The following DNAH8 variants were observed in gnomAD, a reference collection of about 807,000 sequenced individuals.
The protein encoded by DNAH8 is axonemal beta dynein heavy chain 8.
DNAH8 carries 382 observed loss-of-function variants against 562.1 expected under a neutral mutation model. The ratio of observed to expected loss-of-function variants is 0.68; its 90% CI spans 0.63 to 0.74. The LOEUF (loss-of-function observed/expected upper bound fraction) is 0.74. DNAH8 is among the 30% of genes least tolerant of loss of function. The pLI is 0.00. For missense variants in DNAH8, 5,203 were observed against 5,620.4 expected, an observed-to-expected ratio of 0.93 and a Z score of 2.37; for synonymous variants, 1,881 against 1,919.4, an observed-to-expected ratio of 0.98 and a Z score of 0.52.
At chr6:38,861,676 C>T (rs6929943) in intron 43 of DNAH8, among the ~76,000 whole-genome samples, 3,961 of 152,156 alleles carry the variant, frequency 0.026, 182 homozygotes, top group African/African-American at 0.088. Flanking sequence ...GGACTACAGG[C>T]GCATGCCACC....
At chr6:39,001,072 G>C (rs1310898532) in intron 88 of DNAH8, among the ~76,000 whole-genome samples, 1 of 152,220 alleles carries the variant, frequency 6.6e-6, no homozygotes, top group Non-Finnish European at 1.5e-5. Flanking sequence ...ACCAGGTCCA[G>C]TATGCCTAAA....
At chr6:38,860,087 C>T (rs2179712) in intron 42 of DNAH8, among the ~76,000 whole-genome samples, 64,204 of 152,038 alleles carry the variant, frequency 0.42, 14,201 homozygotes, top group East Asian at 0.69. Context: ...TGGCTAATTC[C>T]TACTATTTAT....
intron 13 of DNAH8, among the ~76,000 whole-genome samples, chr6:38,777,835 C>T (rs1768216870): frequency 6.6e-6 from 1 of 152,050 alleles, no homozygotes; most frequent in South Asian, 2.1e-4. Context: ...ATCTGCTGGC[C>T]CTGGTGTCTA....
At chr6:38,780,126 A>G in intron 15 of DNAH8, 61 bp downstream of exon 15, 4 of 1,504,768 alleles carry the variant, frequency 2.7e-6, no homozygotes, top group Admixed American at 1.8e-5. Context: ...AAATCTGAAA[A>G]TATTTGCCAT....
chr6:38,813,347 A>G (rs1771968799), intron 24 of DNAH8, among the ~76,000 whole-genome samples: 1 of 152,128 alleles, frequency 6.6e-6, no homozygotes, highest in Non-Finnish European at 1.5e-5. Flanking sequence ...CCTGAGTGCT[A>G]AAAGTTGGGT....
intron 61 of DNAH8, among the ~76,000 whole-genome samples, 195 bp from the exon 62 acceptor site, chr6:38,899,581 G>C (rs1779931304): frequency 6.6e-6 from 1 of 152,226 alleles, no homozygotes; most frequent in Admixed American, 6.5e-5. Context: ...TGTAAACATA[G>C]ATGGTCAAGG....
intron 57 of DNAH8, 50 bp from the exon 58 acceptor site, chr6:38,890,602 C>T: frequency 7.6e-7 from 1 of 1,309,098 alleles, no homozygotes; most frequent in Non-Finnish European, 1.1e-6. Flanking sequence ...TAAACATATA[C>T]TTGGAAATCT....
Position 38,874,027 on chromosome 6 carries a change from TTTTTC to T in DNAH8, c.7620+665_7620+669del, listed in dbSNP as rs1283193389. Among the ~76,000 whole-genome samples, 4 of 101,642 alleles carry T rather than the reference TTTTTC, an allele frequency of 3.9e-5. 1 individual carries two copies. Among genetic ancestry groups the T allele is most frequent in the African/African-American group, 1.1e-4 (3 of 27,556 alleles). The allele number at this position is 101,642 out of a possible 152,430, so 66.7% of individuals were successfully genotyped here. On this transcript the variant is annotated intron_variant, in intron 52 of 92. Transcript: ENST00000327475. ...TTCCTTCCTTTCCTCTTTCTTTCCC[TTTTTC>T]TTTTCTTTTCTTTCTTTCTTTCTTT...
At position 38,973,948 on chromosome 6, in the gene DNAH8, T is replaced by G. The variant is rs569250852; in HGVS notation, c.12678+135T>G. The G allele has an allele frequency of 2.0e-5, 12 of 600,956 alleles. No homozygotes were observed. The East Asian group carries it at 3.6e-4, about 18-fold the overall frequency. 37.2% of individuals were successfully genotyped at this position (600,956 alleles called of 1,614,324 possible). ...ACTGCAAGATCTTATACTATAATACTATAATCATCAAAATCTTGACATCAA... is the reference window on the plus strand; with the variant it reads ...ACTGCAAGATCTTATACTATAATACGATAATCATCAAAATCTTGACATCAA... On this transcript the variant is annotated intron_variant, in intron 84 of 92. Transcript: ENST00000327475.
rs771196109 is a variant in DNAH8, at chr6:38,908,101, T to C, written c.9494T>C (p.Val3165Ala). Residue 3165 changes from valine to alanine, a missense_variant, in exon 64 of 93, where the codon GTT (valine) becomes GCT (alanine). By Grantham distance (64) the Val-to-Ala change is moderately conservative. Transcript: ENST00000327475. The stretch of plus-strand genomic sequence containing the variant: ...TCAAGATCAAGGAAGAACTTACATG[T>C]TGTTCTCTGCTTTTCTCCAGTAAGT... ...FISRSRKNLHVVLCFSPVGEK... is the reference protein window; with the variant it reads ...FISRSRKNLHAVLCFSPVGEK... 22 of 1,582,142 alleles carry C rather than the reference T, an allele frequency of 1.4e-5. No individual in the cohort carries two copies. The African/African-American group carries it at 2.4e-4, about 18-fold the overall frequency.
At chr6:38,784,270 A>G (rs1768930232) in intron 17 of DNAH8, among the ~76,000 whole-genome samples, 1 of 152,192 alleles carries the variant, frequency 6.6e-6, no homozygotes. Context: ...CTTAAAACTC[A>G]GACTATGGAA....
intron 86 of DNAH8, 84 bp downstream of exon 86, chr6:38,982,546 T>C (rs1478608088): frequency 2.5e-6 from 2 of 805,200 alleles, no homozygotes; most frequent in African/African-American, 3.4e-5. Context: ...TATGATAAGG[T>C]GTGAATTTGC....
Position 38,982,438 on chromosome 6 carries a change from C to G in DNAH8, c.12927C>G (p.His4309Gln). 1 of 1,567,262 alleles carries G rather than the reference C, an allele frequency of 6.4e-7. No homozygotes were observed. Residue 4309 changes from histidine to glutamine, a missense_variant, in exon 86 of 93, where the codon CAC becomes CAG. By Grantham distance (24) the His-to-Gln change is conservative (BLOSUM62 0). This residue lies in a region of DNAH8 where 1,399 missense variants were observed against 1,518.4 expected (regional missense o/e 0.92). Coordinates refer to ENST00000327475, the MANE Select transcript of DNAH8 (RefSeq NM_001206927.2). ...CCAGTGTTCAGTTTATTCAGAATCA[C>G]CTTGATGAATGCGATATTAAGAAAG... ...FSASVQFIQN[H>Q]LDECDIKKGV...
At chr6:38,961,313 G>A (rs1762590415) in intron 82 of DNAH8, among the ~76,000 whole-genome samples, 1 of 151,926 alleles carries the variant, frequency 6.6e-6, no homozygotes, top group Non-Finnish European at 1.5e-5. Context: ...TCTGAACACA[G>A]GGAAATGAAA....
chr6:38,851,639 A>G lies in DNAH8; in HGVS notation c.5431A>G (p.Ile1811Val), dbSNP rs768576577. 1.4e-5 allele frequency: 22 copies of G among 1,611,676 alleles called. No homozygotes were observed. The Admixed American group carries it at 2.9e-4, about 21-fold the overall frequency. Residue 1811 changes from isoleucine (I) to valine (V), a missense_variant, in exon 39 of 93, where the codon ATT (isoleucine) becomes GTT (valine). This residue lies in a region of DNAH8 where 2,176 missense variants were observed against 2,365.1 expected (regional missense o/e 0.92). Coordinates refer to ENST00000327475, the MANE Select transcript of DNAH8 (RefSeq NM_001206927.2). ...TGTATCTGATCCAGTTCTCCTGGAA[A>G]TTCTTGGACAAGCCAGTGATTCCCA... Reference protein sequence around the residue: ...FFVSDPVLLEILGQASDSHTI... With the variant: ...FFVSDPVLLEVLGQASDSHTI...
chr6:38,810,702 A>T (rs530461789), intron 24 of DNAH8, among the ~76,000 whole-genome samples: 6 of 152,158 alleles, frequency 3.9e-5, no homozygotes, highest in Non-Finnish European at 8.8e-5. Flanking sequence ...TACATATTTT[A>T]TTCCTGTTTG....
chr6:38,717,609 A>C (rs1388660628), intron 1 of DNAH8, among the ~76,000 whole-genome samples: 1 of 149,526 alleles, frequency 6.7e-6, no homozygotes, highest in Non-Finnish European at 1.5e-5. Context: ...GATGTAATAC[A>C]ACTAAAATGT....
chr6:39,030,336 T>C lies in DNAH8; in HGVS notation c.14068T>C (p.Leu4690=). The C allele has an allele frequency of 6.2e-7, 1 of 1,614,150 alleles. No individual in the cohort carries two copies. The highest frequency in any genetic ancestry group is 8.5e-7 in the Non-Finnish European group (1 of 1,179,992). The change falls in exon 93 of 93, where the codon TTG becomes CTG. Residue 4690 remains leucine (L), a synonymous_variant. Coordinates refer to ENST00000327475, the MANE Select transcript of DNAH8 (RefSeq NM_001206927.2). ...CACTGTGGTATATTTACGAACAGTG[T>C]TGTCCCCGGATCACTGGATCCTGAG... ...FITVVYLRTV[L]SPDHWILRGV...
At chr6:38,945,138 T>A (rs1761275416) in intron 79 of DNAH8, among the ~76,000 whole-genome samples, 1 of 152,144 alleles carries the variant, frequency 6.6e-6, no homozygotes, top group South Asian at 2.1e-4. Context: ...CATGGAAAGA[T>A]CAACATATTC....
Sources: gnomAD v4.1 joint callset for allele counts (sites outside exome capture counted in the v4.1 genomes callset) on GRCh38, gnomAD v4.1.1 for gene constraint, gnomAD v4.1.1 regional missense constraint, MANE v1.5 for transcripts, NCBI Gene and HGNC (gene_info 2026-07-23, HGNC 2026-07-21) for gene names.